Variants in KIAA1217 observed in about 807,000 individuals in gnomAD.
The protein encoded by KIAA1217 is KIAA1217, also known as sickle tail protein homolog.
Under a neutral mutation model 163.9 loss-of-function variants are expected in KIAA1217, and 88 were observed. The ratio of observed to expected loss-of-function variants is 0.54; its 90% CI spans 0.45 to 0.64. KIAA1217 has a LOEUF of 0.64. Ranked by LOEUF, KIAA1217 falls within the 30% of genes least tolerant of loss-of-function variation. The pLI, the probability that KIAA1217 is intolerant of heterozygous loss-of-function variation, is 0.00. For missense variants in KIAA1217, 2,372 were observed against 2,475.0 expected, an observed-to-expected ratio of 0.96 and a Z score of 0.88; for synonymous variants, 903 against 923.1, an observed-to-expected ratio of 0.98 and a Z score of 0.39.
rs1034105393 is a variant in KIAA1217, at chr10:24,074,670, C to A, written c.-171+67296C>A. 8.8e-5 allele frequency among the ~76,000 whole-genome samples: 13 copies of A among 148,382 alleles called. No individual in the cohort carries two copies. In the South Asian group the frequency reaches 1.5e-3, roughly 17 times the overall value. ...GTTCTTATATTCTGGAATTCTTCTT[C>A]TTCTTCTTCTTCCTCTTCCTCTTCT... On this transcript the variant is annotated intron_variant, in intron 2 of 18. Coordinates refer to the KIAA1217 transcript ENST00000376462.
intron 3 of KIAA1217, among the ~76,000 whole-genome samples, chr10:24,422,896 T>C (rs559091425): frequency 2.7e-5 from 4 of 146,424 alleles, no homozygotes; most frequent in African/African-American, 7.8e-5. Context: ...TTCCTATAGA[T>C]TTAACTTTTT....
At chr10:23,927,440 T>C (rs1843072141) in intron 1 of KIAA1217, among the ~76,000 whole-genome samples, 1 of 151,818 alleles carries the variant, frequency 6.6e-6, no homozygotes, top group African/African-American at 2.4e-5. Context: ...AACGTGAAAA[T>C]ATTATGAGAA....
At chr10:23,946,126 T>C (rs1207055443) in intron 1 of KIAA1217, among the ~76,000 whole-genome samples, 1 of 152,194 alleles carries the variant, frequency 6.6e-6, no homozygotes, top group Non-Finnish European at 1.5e-5. Flanking sequence ...CTAATAGTTA[T>C]AAACCACAAA....
In KIAA1217 at chr10:23,760,021, G is replaced by A. The variant is rs75581137; in HGVS notation, c.-321+64787G>A. Reference sequence around the variant, plus strand: ...TACCTAATGTCGTATATATACCATAGGTAGAGGATTAGCTAATTTTATTTT... The same window carrying A: ...TACCTAATGTCGTATATATACCATAAGTAGAGGATTAGCTAATTTTATTTT... On this transcript the variant is annotated intron_variant, in intron 1 of 18. Transcript: ENST00000376462. 1.2e-3 allele frequency among the ~76,000 whole-genome samples: 178 copies of A among 152,282 alleles called. 11 individuals are homozygous for A. The East Asian group carries it at 0.028, about 24-fold the overall frequency.
chr10:24,217,776 T>C (rs2069030579), intron 1 of KIAA1217, among the ~76,000 whole-genome samples: 1 of 152,250 alleles, frequency 6.6e-6, no homozygotes, highest in South Asian at 2.1e-4. Flanking sequence ...TAAATCTGTA[T>C]TTTTCTGCAC....
chr10:24,091,106 A>G (rs920559814), intron 2 of KIAA1217, among the ~76,000 whole-genome samples: 1 of 151,932 alleles, frequency 6.6e-6, no homozygotes, highest in East Asian at 1.9e-4. Context: ...CAAAACATTT[A>G]TTGGTTCCTA....
At chr10:23,725,200 G>A (rs1838070390) in intron 1 of KIAA1217, among the ~76,000 whole-genome samples, 1 of 152,154 alleles carries the variant, frequency 6.6e-6, no homozygotes, top group Non-Finnish European at 1.5e-5. Context: ...GGTATAGTTG[G>A]CTCAGCCTAT....
chr10:24,530,881 G>A (rs1350990037), intron 14 of KIAA1217, among the ~76,000 whole-genome samples: 1 of 152,042 alleles, frequency 6.6e-6, no homozygotes, highest in Non-Finnish European at 1.5e-5. Context: ...GAGTGAAAGA[G>A]CAATACCCTG....
intron 1 of KIAA1217, among the ~76,000 whole-genome samples, chr10:23,714,799 G>T (rs1429763600): frequency 1.3e-5 from 2 of 152,062 alleles, no homozygotes; most frequent in African/African-American, 4.8e-5. Context: ...AATAGAGGGT[G>T]GTTTATTGGG....
In KIAA1217 at chr10:23,727,604, TA is replaced by T. The variant is rs1392515534; in HGVS notation, c.-321+32371del. ...TTGTTATGATGCACATACATAGTTA[TA>T]TTTTTTTCATTTAATATTTTTAACG... On this transcript the variant is annotated intron_variant, in intron 1 of 18. Transcript: ENST00000376462. 4.6e-5 allele frequency among the ~76,000 whole-genome samples: 7 copies of T among 152,326 alleles called. No homozygotes were observed. In the East Asian group the frequency reaches 5.8e-4, roughly 13 times the overall value.
intron 3 of KIAA1217, among the ~76,000 whole-genome samples, chr10:24,427,372 G>T (rs2059261756): frequency 6.6e-6 from 1 of 152,182 alleles, no homozygotes; most frequent in Non-Finnish European, 1.5e-5. Flanking sequence ...AGGTTGCCCT[G>T]AGAGGATGCT....
At position 24,257,813 on chromosome 10, in the gene KIAA1217, C is replaced by G. The variant is rs114453042; in HGVS notation, c.354+37904C>G. ...AAAGTGCAGAGGGACAGTGACAAGG[C>G]GGGATAACGTAGCAGTCCCAGCGAC... On this transcript the variant is annotated intron_variant, in intron 2 of 20. Coordinates refer to ENST00000376454, the MANE Select transcript of KIAA1217 (RefSeq NM_019590.5). 6.4e-3 allele frequency among the ~76,000 whole-genome samples: 978 copies of G among 152,184 alleles called. 11 individuals carry two copies. Among genetic ancestry groups the G allele is most frequent in the African/African-American group, 0.023 (939 of 41,516 alleles).
At chr10:24,517,122 G>A (rs1026122998) in intron 10 of KIAA1217, among the ~76,000 whole-genome samples, 2 of 151,266 alleles carry the variant, frequency 1.3e-5, no homozygotes, top group Non-Finnish European at 2.9e-5. Flanking sequence ...GGTCAAGGCT[G>A]CACGATCACA....
chr10:24,111,136 C>G (rs141492441), intron 2 of KIAA1217, among the ~76,000 whole-genome samples: 1 of 152,230 alleles, frequency 6.6e-6, no homozygotes, highest in East Asian at 1.9e-4. Context: ...GGAACATAAA[C>G]TTTATTGCTG....
intron 1 of KIAA1217, among the ~76,000 whole-genome samples, chr10:23,767,806 A>C (rs957571220): frequency 2.0e-5 from 3 of 152,184 alleles, no homozygotes; most frequent in Non-Finnish European, 2.9e-5. Flanking sequence ...CAAGTAAGAC[A>C]TAAAGCCCTA....
At chr10:24,257,189 T>C (rs1676270052) in intron 2 of KIAA1217, among the ~76,000 whole-genome samples, 1 of 152,218 alleles carries the variant, frequency 6.6e-6, no homozygotes, top group African/African-American at 2.4e-5. Flanking sequence ...TGAAGAATAT[T>C]CTGTCCAGAG....
chr10:23,747,843 G>C (rs927061862), intron 1 of KIAA1217, among the ~76,000 whole-genome samples: 1 of 152,108 alleles, frequency 6.6e-6, no homozygotes, highest in Non-Finnish European at 1.5e-5. Flanking sequence ...GTTTCCTGCT[G>C]CTGCCCTACA....
At chr10:24,390,084 C>T (rs2054640734) in intron 3 of KIAA1217, among the ~76,000 whole-genome samples, 1 of 152,184 alleles carries the variant, frequency 6.6e-6, no homozygotes, top group African/African-American at 2.4e-5. Flanking sequence ...CCCAGTGATT[C>T]TGCAAGCCAT....
intron 2 of KIAA1217, among the ~76,000 whole-genome samples, chr10:24,291,338 G>A (rs956750683): frequency 2.0e-5 from 3 of 152,124 alleles, no homozygotes; most frequent in Admixed American, 2.0e-4. Context: ...AGACCAGCCT[G>A]GCCAACATGG....
Sources: allele counts gnomAD v4.1 joint callset (sites outside exome capture counted in the v4.1 genomes callset), GRCh38; gene constraint gnomAD v4.1.1; transcripts MANE v1.5; gene names NCBI Gene and HGNC (gene_info 2026-07-23, HGNC 2026-07-21).